Variants in SYT16 observed in about 807,000 individuals in gnomAD.
SYT16 encodes synaptotagmin 16, also known as synaptotagmin-16.
In SYT16, 42 loss-of-function variants were observed where a neutral mutation model predicts 61.4. That is an observed-to-expected ratio of 0.68 (90% CI 0.53 to 0.89). The LOEUF is 0.89. Among genes scored for constraint, SYT16 ranks in the 40% least tolerant of loss-of-function variants. The pLI, the probability that SYT16 is intolerant of heterozygous loss-of-function variation, is 0.00. For synonymous variants in SYT16, 314 were observed against 302.3 expected, an observed-to-expected ratio of 1.04 and a Z score of -0.40; for missense variants, 804 against 807.3, an observed-to-expected ratio of 1.00 and a Z score of 0.05.
chr14:62,022,595 T>A (rs975328121), intron 3 of SYT16, among the ~76,000 whole-genome samples: 1 of 151,486 alleles, frequency 6.6e-6, no homozygotes, highest in African/African-American at 2.4e-5. Flanking sequence ...CACATTTCCT[T>A]TTCTCCTTCT....
intron 3 of SYT16, among the ~76,000 whole-genome samples, chr14:62,001,869 G>A (rs977196181): frequency 6.6e-6 from 1 of 151,924 alleles, no homozygotes; most frequent in Non-Finnish European, 1.5e-5. Context: ...TCAAGTCTAC[G>A]AAAGCCTTTT....
At chr14:61,925,715 T>C (rs2049509233) in intron 1 of SYT16, among the ~76,000 whole-genome samples, 1 of 152,226 alleles carries the variant, frequency 6.6e-6, no homozygotes, top group South Asian at 2.1e-4. Flanking sequence ...CATCTTATGA[T>C]GCAATGATTA....
intron 1 of SYT16, among the ~76,000 whole-genome samples, chr14:61,891,935 C>T (rs2048146211): frequency 6.6e-6 from 1 of 152,184 alleles, no homozygotes; most frequent in South Asian, 2.1e-4. Flanking sequence ...AAATTCCCTA[C>T]AGCAAATGGC....
At chr14:62,016,410 T>G (rs1163644053) in intron 3 of SYT16, among the ~76,000 whole-genome samples, 1 of 152,052 alleles carries the variant, frequency 6.6e-6, no homozygotes, top group African/African-American at 2.4e-5. Context: ...AGTTATGGCA[T>G]TGGCCGGGTG....
chr14:62,091,312 A>G (rs914432570), intron 7 of SYT16, among the ~76,000 whole-genome samples: 1 of 152,216 alleles, frequency 6.6e-6, no homozygotes, highest in African/African-American at 2.4e-5. Context: ...AGAGTTTTTC[A>G]TTAGGAAAAA....
At chr14:61,991,178 C>T (rs2052534373) in intron 2 of SYT16, among the ~76,000 whole-genome samples, 1 of 151,786 alleles carries the variant, frequency 6.6e-6, no homozygotes, top group African/African-American at 2.4e-5. Flanking sequence ...ACACACACAC[C>T]ATCTTTTTTT....
At chr14:61,963,892 A>G (rs2140508155) in intron 1 of SYT16, among the ~76,000 whole-genome samples, 1 of 152,312 alleles carries the variant, frequency 6.6e-6, no homozygotes, top group African/African-American at 2.4e-5. Context: ...AATTATGCTC[A>G]GTCTTGTCTG....
chr14:61,985,504 G>A (rs190159300), intron 2 of SYT16, among the ~76,000 whole-genome samples: 1 of 152,250 alleles, frequency 6.6e-6, no homozygotes, highest in Admixed American at 6.5e-5. Context: ...CCAGAGTGGG[G>A]ACCAGATTAA....
At chr14:61,834,424 C>CCGGCCAGG (rs2046056994) in intron 1 of SYT16, among the ~76,000 whole-genome samples, 1 of 137,876 alleles carries the variant, frequency 7.3e-6, no homozygotes, top group Non-Finnish European at 1.5e-5. Flanking sequence ...GCCACCGTGC[C>CCGGCCAGG]TGGCTTTTTT....
rs538868636 is a variant in SYT16, at chr14:61,821,040, A to G, written c.-325+8230A>G. ...GCTCTAACTCCCCATACCTGCCAAT[A>G]TGCTTTTCCCTTTGGTTTCACTATT... On this transcript the variant is annotated intron_variant, in intron 1 of 7. Coordinates refer to ENST00000683842, the MANE Select transcript of SYT16 (RefSeq NM_001367656.1). 6.6e-4 allele frequency among the ~76,000 whole-genome samples: 100 copies of G among 151,888 alleles called. 1 individual carries two copies. Among genetic ancestry groups the G allele is most frequent in the African/African-American group, 2.3e-3 (96 of 41,430 alleles).
At chr14:62,003,020 C>A (rs1017273131) in intron 3 of SYT16, among the ~76,000 whole-genome samples, 16 of 151,988 alleles carry the variant, frequency 1.1e-4, no homozygotes, top group African/African-American at 3.9e-4. Context: ...TGGGGGAAAC[C>A]ACCCCCATGA....
chr14:61,848,195 T>A (rs1463721214), intron 1 of SYT16, among the ~76,000 whole-genome samples: 2 of 152,196 alleles, frequency 1.3e-5, no homozygotes, highest in Non-Finnish European at 2.9e-5. Flanking sequence ...TATTCATTCT[T>A]CTTGGGAAAG....
intron 3 of SYT16, among the ~76,000 whole-genome samples, chr14:62,052,690 A>G (rs1254272559): frequency 6.6e-6 from 1 of 152,226 alleles, no homozygotes; most frequent in Non-Finnish European, 1.5e-5. Flanking sequence ...GGAATTAATT[A>G]GGTCATGGAG....
intron 3 of SYT16, among the ~76,000 whole-genome samples, chr14:62,067,707 A>T (rs2056118991): frequency 6.6e-6 from 1 of 152,230 alleles, no homozygotes; most frequent in Admixed American, 6.5e-5. Context: ...GTTCCTAAAT[A>T]AATTAACAAT....
chr14:62,073,701 G>A (rs1427024868), intron 4 of SYT16, among the ~76,000 whole-genome samples: 1 of 152,050 alleles, frequency 6.6e-6, no homozygotes, highest in Admixed American at 6.5e-5. Context: ...GTATGGTCTG[G>A]TTGATAACAT....
Position 62,101,141 on chromosome 14 carries a change from T to C in SYT16, c.*434T>C, listed in dbSNP as rs942450879. On this transcript the variant is annotated 3_prime_UTR_variant, in exon 8 of 8. Coordinates refer to ENST00000683842, the MANE Select transcript of SYT16 (RefSeq NM_001367656.1). Reference sequence around the variant, plus strand: ...ATATGGTACAAAAAACTCCAAAATATAGATATGAATCAGATGCTGAGCCTC... The same window carrying C: ...ATATGGTACAAAAAACTCCAAAATACAGATATGAATCAGATGCTGAGCCTC... 1 of 155,430 alleles carries C rather than the reference T, an allele frequency of 6.4e-6. No homozygotes were observed. Among genetic ancestry groups the C allele is most frequent in the Non-Finnish European group, 1.4e-5 (1 of 70,002 alleles). The allele number at this position is 155,430 out of a possible 1,614,324, so 9.6% of individuals were successfully genotyped here.
At chr14:62,047,103 C>T (rs1355236388) in intron 3 of SYT16, among the ~76,000 whole-genome samples, 3 of 150,594 alleles carry the variant, frequency 2.0e-5, no homozygotes, top group African/African-American at 7.3e-5. Flanking sequence ...ATGTTTGTAT[C>T]CTCTTTCATT....
chr14:61,856,660 T>C (rs755120657), intron 1 of SYT16, among the ~76,000 whole-genome samples: 5 of 152,190 alleles, frequency 3.3e-5, no homozygotes, highest in Non-Finnish European at 5.9e-5. Flanking sequence ...GAGATGTCTA[T>C]TAAACATCCT....
At chr14:61,928,282 A>G (rs770370095) in intron 1 of SYT16, among the ~76,000 whole-genome samples, 1 of 152,166 alleles carries the variant, frequency 6.6e-6, no homozygotes. Context: ...TTGTCCTCCT[A>G]AGAGATAGGA....
Sources: gnomAD v4.1 joint callset for allele counts (sites outside exome capture counted in the v4.1 genomes callset) on GRCh38, gnomAD v4.1.1 for gene constraint, MANE v1.5 for transcripts, NCBI Gene and HGNC (gene_info 2026-07-23, HGNC 2026-07-21) for gene names.